The following CCDC7 variants were observed in gnomAD, a reference collection of about 807,000 sequenced individuals.
The protein encoded by CCDC7 is coiled-coil domain-containing protein 7.
A neutral mutation model predicts 196.9 loss-of-function variants in CCDC7; 183 were observed. The observed-to-expected ratio is 0.93, with a 90% CI of 0.82 to 1.05. CCDC7 has a LOEUF of 1.05. Ranked by LOEUF, CCDC7 falls within the 50% of genes least tolerant of loss-of-function variation. The pLI is 0.00. For synonymous variants in CCDC7, 525 were observed against 484.6 expected (o/e 1.08, Z -1.10); for missense variants, 1,540 against 1,482.2 (o/e 1.04, Z -0.64).
chr10:32,487,254 A>T (rs565245048), intron 8 of CCDC7, among the ~76,000 whole-genome samples: 1 of 152,174 alleles, frequency 6.6e-6, no homozygotes, highest in Admixed American at 6.5e-5. Flanking sequence ...CATCACTGAT[A>T]CCCTTTCTTC....
intron 33 of CCDC7, among the ~76,000 whole-genome samples, chr10:32,841,788 C>A (rs945521509): frequency 3.3e-5 from 5 of 151,860 alleles, no homozygotes; most frequent in African/African-American, 1.2e-4. Context: ...AATAAAGAAC[C>A]CAGAAATAAA....
At chr10:32,672,396 C>G (rs1033379493) in intron 21 of CCDC7, among the ~76,000 whole-genome samples, 1 of 152,142 alleles carries the variant, frequency 6.6e-6, no homozygotes, top group Non-Finnish European at 1.5e-5. Context: ...GACAACGATT[C>G]CCAATGTCTG....
chr10:32,499,274 G>A (rs548112891), intron 9 of CCDC7: 1 of 151,990 alleles, frequency 6.6e-6, no homozygotes, highest in Non-Finnish European at 1.5e-5. Context: ...TTTATACATA[G>A]GGAATTGGGA....
chr10:32,585,904 C>T (rs955634639), intron 18 of CCDC7, among the ~76,000 whole-genome samples: 4 of 151,982 alleles, frequency 2.6e-5, no homozygotes, highest in Admixed American at 6.6e-5. Flanking sequence ...ATGGGATTGC[C>T]GGGTCAAATG....
intron 8 of CCDC7, among the ~76,000 whole-genome samples, chr10:32,486,381 C>G (rs1255324638): frequency 6.6e-6 from 1 of 151,470 alleles, no homozygotes; most frequent in Non-Finnish European, 1.5e-5. Flanking sequence ...TATTTTGAGC[C>G]TGTGTGTGTC....
At chr10:32,876,035 C>T (rs1052229296) in intron 41 of CCDC7, among the ~76,000 whole-genome samples, 4 of 151,826 alleles carry the variant, frequency 2.6e-5, no homozygotes, top group African/African-American at 7.3e-5. Flanking sequence ...TTTCTTAGGC[C>T]GCAACCCCAG....
rs1174693871 is a variant in CCDC7, at chr10:32,574,313, TATA to T, written c.1454+2427_1454+2429del. ...GCTTTAGGTTAATTATTATATATTA[TATA>T]ATAATATAATATATTACATATTATA... On this transcript the variant is annotated intron_variant, in intron 16 of 41. Coordinates refer to ENST00000639629, the Ensembl canonical transcript of CCDC7. 8 of 496,608 alleles carry T rather than the reference TATA, an allele frequency of 1.6e-5. 1 individual carries two copies. In the South Asian group the frequency reaches 2.7e-4, roughly 17 times the overall value. 30.8% of individuals were successfully genotyped at this position (496,608 alleles called of 1,614,324 possible).
intron 9 of CCDC7, among the ~76,000 whole-genome samples, chr10:32,505,848 C>T (rs1317284245): frequency 1.7e-4 from 25 of 143,924 alleles, no homozygotes; most frequent in African/African-American, 2.3e-4. Flanking sequence ...GATGGGTGGG[C>T]GGGCAGAGGT....
intron 28 of CCDC7, among the ~76,000 whole-genome samples, chr10:32,742,954 T>C (rs895511401): frequency 6.6e-6 from 1 of 152,190 alleles, no homozygotes; most frequent in Non-Finnish European, 1.5e-5. Flanking sequence ...GTAATATACA[T>C]TTTAAGGTTC....
intron 20 of CCDC7, among the ~76,000 whole-genome samples, chr10:32,649,743 A>T (rs2068398278): frequency 6.6e-6 from 1 of 152,128 alleles, no homozygotes. Context: ...TGTCTGACTG[A>T]GTTGATTCAT....
At chr10:32,875,666 C>T (rs999245953) in intron 41 of CCDC7, among the ~76,000 whole-genome samples, 5 of 151,852 alleles carry the variant, frequency 3.3e-5, no homozygotes, top group African/African-American at 9.7e-5. Flanking sequence ...GGTTGTTTCC[C>T]GTTTTTTCTA....
intron 11 of CCDC7, among the ~76,000 whole-genome samples, chr10:32,541,024 C>G (rs952105594): frequency 6.6e-6 from 1 of 151,232 alleles, no homozygotes; most frequent in Non-Finnish European, 1.5e-5. Context: ...ATAGATTTGA[C>G]CTCTACCTAA....
At chr10:32,800,594 G>A (rs1459388703) in intron 29 of CCDC7, among the ~76,000 whole-genome samples, 2 of 152,172 alleles carry the variant, frequency 1.3e-5, no homozygotes, top group Admixed American at 6.5e-5. Flanking sequence ...GTCCCTGAAA[G>A]GTCTGATTAT....
chr10:32,810,237 T>A (rs1476866877), intron 30 of CCDC7, among the ~76,000 whole-genome samples: 1 of 152,130 alleles, frequency 6.6e-6, no homozygotes. Context: ...GAATGGATTT[T>A]AAAAACATGA....
intron 21 of CCDC7, among the ~76,000 whole-genome samples, chr10:32,677,274 G>T (rs1463149194): frequency 6.6e-6 from 1 of 150,488 alleles, no homozygotes; most frequent in Non-Finnish European, 1.5e-5. Context: ...TAAATGACGA[G>T]TTAATGGGTG....
downstream of CCDC7, among the ~76,000 whole-genome samples, chr10:32,881,330 CAAAT>C (rs1277792256): frequency 6.6e-6 from 1 of 151,882 alleles, no homozygotes; most frequent in Non-Finnish European, 1.5e-5. Flanking sequence ...ACTGGGGTGG[CAAAT>C]AAAATTAAAT....
rs139779397 is a variant in CCDC7 at position 32,472,514 on chromosome 10, T to C, written c.711T>C (p.Ser237=). The C allele has an allele frequency of 3.7e-4, 588 of 1,589,274 alleles. 5 individuals are homozygous for C. In the African/African-American group the frequency reaches 6.9e-3, roughly 19 times the overall value. ...AAAATCGACCAGAAGCAGTGAAAAG[T>C]TGTGAAGCTCTGGCACAGAAAATTG... The change falls in exon 7 of 42, where the codon AGT becomes AGC. Residue 237 remains serine, a synonymous_variant. Transcript: ENST00000639629.
At chr10:32,688,485 C>T (rs2076717347) in intron 22 of CCDC7, among the ~76,000 whole-genome samples, 1 of 152,020 alleles carries the variant, frequency 6.6e-6, no homozygotes. Context: ...CTTATTTCCT[C>T]TTCTGTCTTA....
At chr10:32,505,196 T>A (rs941872674) in intron 9 of CCDC7, among the ~76,000 whole-genome samples, 13 of 142,500 alleles carry the variant, frequency 9.1e-5, no homozygotes, top group South Asian at 9.0e-4. Context: ...TTATTTATTT[T>A]TTAGTATTTA....
Sources: allele counts gnomAD v4.1 joint callset (sites outside exome capture counted in the v4.1 genomes callset), GRCh38; gene constraint gnomAD v4.1.1; transcripts MANE v1.5; gene names NCBI Gene and HGNC (gene_info 2026-07-23, HGNC 2026-07-21).